Variants in CCDC197 observed in about 807,000 individuals in gnomAD.
CCDC197 encodes the protein uncharacterized protein CCDC197.
A neutral mutation model predicts 13.4 loss-of-function variants in CCDC197; 24 were observed. The observed-to-expected ratio is 1.80, with a 90% CI of 1.30 to 2.53. The LOEUF (loss-of-function observed/expected upper bound fraction) is 2.53, where lower values mean the gene tolerates loss of function less well. Among genes scored for constraint, CCDC197 ranks in the 30% most tolerant of loss-of-function variants. CCDC197 has a pLI of 0.00. For missense variants in CCDC197, 255 were observed against 148.8 expected, an observed-to-expected ratio of 1.71 and a Z score of -3.71; for synonymous variants, 99 against 55.5, an observed-to-expected ratio of 1.78 and a Z score of -3.48.
chr14:93,989,424 G>A (rs59501438), intron 1 of CCDC197, among the ~76,000 whole-genome samples: 2,515 of 152,224 alleles, frequency 0.017, 71 homozygotes, highest in African/African-American at 0.054. Flanking sequence ...TCTCCCTAGA[G>A]CAGATGCTGC....
chr14:93,992,356 C>T (rs1328504632), upstream of CCDC197, among the ~76,000 whole-genome samples: 1 of 152,130 alleles, frequency 6.6e-6, no homozygotes, highest in Non-Finnish European at 1.5e-5. Flanking sequence ...CCTTGCCGGG[C>T]CAACCCCCAC....
chr14:94,001,008 T>C, intron 3 of CCDC197, 137 bp from the exon 4 acceptor site: 1 of 535,892 alleles, frequency 1.9e-6, no homozygotes, highest in African/African-American at 2.0e-5. Flanking sequence ...ACCATCCTAC[T>C]GTCTGGGGTC....
intron 1 of CCDC197, among the ~76,000 whole-genome samples, chr14:93,991,655 A>G (rs1245623313): frequency 1.3e-5 from 2 of 152,214 alleles, no homozygotes; most frequent in Non-Finnish European, 2.9e-5. Flanking sequence ...GAAAATCCAC[A>G]GGAAGGAGTG....
At chr14:93,996,261 C>T (rs1890298599), upstream of CCDC197, among the ~76,000 whole-genome samples, 1 of 149,206 alleles carries the variant, frequency 6.7e-6, no homozygotes, top group Non-Finnish European at 1.5e-5. Flanking sequence ...CATTCTCAGT[C>T]GGTGCTCAGC....
chr14:94,004,959 C>G lies in CCDC197; in HGVS notation c.603C>G (p.Leu201=). The change falls in exon 6 of 7, where the codon CTC becomes CTG. Residue 201 remains leucine, a synonymous_variant. Coordinates refer to ENST00000636493, the MANE Select transcript of CCDC197 (RefSeq NM_001351596.2). The part of the protein sequence containing the change: ...VPKSMDLFSK[L]DLIKEFMLDK... ...AGAGCATGGATCTCTTCTCCAAGCT[C>G]GATCTGATTAAGGTAAGGATAGACA... 1 of 702,804 alleles carries G rather than the reference C, an allele frequency of 1.4e-6. No homozygotes were observed. Among genetic ancestry groups the G allele is most frequent in the Non-Finnish European group, 2.6e-6 (1 of 384,884 alleles). 43.5% of individuals were successfully genotyped at this position (702,804 alleles called of 1,614,324 possible).
chr14:94,001,127 A>G lies in CCDC197; in HGVS notation c.188-18A>G. On this transcript the variant is annotated intron_variant, in intron 3 of 6. Coordinates refer to ENST00000636493, the MANE Select transcript of CCDC197 (RefSeq NM_001351596.2). ...TGCAGGGGCACCCACCCATCCCGCC[A>G]TGGCGCTGTCTCCGTAGGCTGCACG... 2 of 762,430 alleles carry G rather than the reference A, an allele frequency of 2.6e-6. No individual in the cohort carries two copies. Among genetic ancestry groups the G allele is most frequent in the South Asian group, 1.4e-5 (1 of 72,262 alleles). The allele number at this position is 762,430 out of a possible 1,614,324, so 47.2% of individuals were successfully genotyped here.
upstream of CCDC197, among the ~76,000 whole-genome samples, chr14:93,994,017 C>A (rs1187167167): frequency 6.6e-5 from 10 of 151,776 alleles, no homozygotes; most frequent in African/African-American, 2.4e-4. Flanking sequence ...AGGGTGGGGT[C>A]TGCTGGTTGA....
chr14:93,994,273 C>T (rs1214293035), upstream of CCDC197, among the ~76,000 whole-genome samples: 1 of 152,196 alleles, frequency 6.6e-6, no homozygotes, highest in African/African-American at 2.4e-5. Context: ...GCAAGGAGCC[C>T]AGCATTTTCA....
At chr14:94,005,913 A>C (rs1486253847) in intron 6 of CCDC197, among the ~76,000 whole-genome samples, 1 of 151,886 alleles carries the variant, frequency 6.6e-6, no homozygotes, top group South Asian at 2.1e-4. Flanking sequence ...GTTGACGGAC[A>C]TCTGGATTGT....
At chr14:93,994,318 C>T (rs890164665), upstream of CCDC197, among the ~76,000 whole-genome samples, 1 of 152,168 alleles carries the variant, frequency 6.6e-6, no homozygotes, top group Admixed American at 6.5e-5. Context: ...TGTAGCCAGC[C>T]CTGTTACCTT....
chr14:93,996,524 G>T (rs77262944), upstream of CCDC197, among the ~76,000 whole-genome samples: 3,484 of 151,942 alleles, frequency 0.023, 92 homozygotes, highest in African/African-American at 0.057. Context: ...TGCCCCTGCA[G>T]AGACCCCCGC....
In CCDC197 at chr14:94,003,470, G is replaced by GA; in HGVS notation, c.498+117dup. 2 of 634,656 alleles carry GA rather than the reference G, an allele frequency of 3.2e-6. No homozygotes were observed. Among genetic ancestry groups the GA allele is most frequent in the Non-Finnish European group, 2.9e-6 (1 of 348,318 alleles). The allele number at this position is 634,656 out of a possible 1,614,324, so 39.3% of individuals were successfully genotyped here. On this transcript the variant is annotated intron_variant, in intron 5 of 6. Coordinates refer to ENST00000636493, the MANE Select transcript of CCDC197 (RefSeq NM_001351596.2). This position sits in a 1 kb window ranked among gnomAD's most constrained non-coding sequence, Gnocchi z 5.0. ...ATACGCACGCAGACACACACACACA[G>GA]AGCCAGACACATAGACACACAGGCA...
chr14:93,998,839 G>C (rs769714579), intron 2 of CCDC197, among the ~76,000 whole-genome samples: 1 of 152,182 alleles, frequency 6.6e-6, no homozygotes, highest in Admixed American at 6.5e-5. Flanking sequence ...GGATGAGAGA[G>C]GGAGGGCCCA....
At position 94,004,955 on chromosome 14, in the gene CCDC197, A is replaced by G. The variant is rs1567044599; in HGVS notation, c.599A>G (p.Lys200Arg). 1 of 702,840 alleles carries G rather than the reference A, an allele frequency of 1.4e-6. No homozygotes were observed. The highest frequency in any genetic ancestry group is 2.3e-4 in the Middle Eastern group (1 of 4,372). 43.5% of individuals were successfully genotyped at this position (702,840 alleles called of 1,614,324 possible). The part of the protein sequence containing the change: ...GVPKSMDLFS[K>R]LDLIKEFMLD... Reference sequence around the variant, plus strand: ...CCCAAGAGCATGGATCTCTTCTCCAAGCTCGATCTGATTAAGGTAAGGATA... The same window carrying G: ...CCCAAGAGCATGGATCTCTTCTCCAGGCTCGATCTGATTAAGGTAAGGATA... Residue 200 changes from lysine to arginine, a missense_variant, in exon 6 of 7, where the codon AAG (lysine) becomes AGG (arginine). Lys to Arg is a conservative substitution (Grantham distance 26, BLOSUM62 2). Coordinates refer to ENST00000636493, the MANE Select transcript of CCDC197 (RefSeq NM_001351596.2).
upstream of CCDC197, chr14:93,997,156 G>A (rs1471097734): frequency 6.6e-6 from 1 of 152,302 alleles, no homozygotes; most frequent in Admixed American, 6.5e-5. Context: ...ACTGGGAGTT[G>A]GGGGTGGGAG....
chr14:93,995,642 A>G (rs1367373516), upstream of CCDC197, among the ~76,000 whole-genome samples: 1 of 152,134 alleles, frequency 6.6e-6, no homozygotes, highest in Non-Finnish European at 1.5e-5. Flanking sequence ...GGCTCAGCCA[A>G]TTGGGCACCC....
intron 2 of CCDC197, chr14:93,999,318 A>G (rs1890416934): frequency 4.6e-6 from 2 of 434,468 alleles, no homozygotes; most frequent in Admixed American, 8.1e-5. Context: ...AGAAAGGCTC[A>G]GCCTTCATTC....
At chr14:94,002,270 CTCTT>C (rs754095533) in intron 4 of CCDC197, among the ~76,000 whole-genome samples, 6 of 152,028 alleles carry the variant, frequency 3.9e-5, no homozygotes, top group Non-Finnish European at 5.9e-5. Context: ...CCCCCTCTCT[CTCTT>C]TCTTTCTTTC....
At chr14:94,006,060 C>T (rs1890670486) in intron 6 of CCDC197, among the ~76,000 whole-genome samples, 1 of 152,200 alleles carries the variant, frequency 6.6e-6, no homozygotes, top group Admixed American at 6.5e-5. Flanking sequence ...CTATGTTTAA[C>T]ATTCGAAGAA....
Sources: allele counts gnomAD v4.1 joint callset (sites outside exome capture counted in the v4.1 genomes callset), GRCh38; gene constraint gnomAD v4.1.1; non-coding constraint Gnocchi (gnomAD v3.1); transcripts MANE v1.5; gene names NCBI Gene and HGNC (gene_info 2026-07-23, HGNC 2026-07-21).